The following TAF1B variants were observed in gnomAD, a reference collection of about 807,000 sequenced individuals.
TAF1B encodes TATA-box binding protein associated factor, RNA polymerase I subunit B.
A neutral mutation model predicts 83.9 loss-of-function variants in TAF1B; 61 were observed. That is an observed-to-expected ratio of 0.73 (90% confidence interval 0.59 to 0.90). TAF1B has a LOEUF of 0.90. Ranked by LOEUF, TAF1B falls within the 40% of genes least tolerant of loss-of-function variation. TAF1B has a pLI of 0.00. For missense variants in TAF1B, 625 were observed against 677.0 expected, an observed-to-expected ratio of 0.92 and a Z score of 0.85; for synonymous variants, 221 against 224.6, an observed-to-expected ratio of 0.98 and a Z score of 0.14.
Position 9,933,720 on chromosome 2 carries a change from G to T in TAF1B, c.1566-63G>T. On this transcript the variant is annotated intron_variant, in intron 14 of 14. Transcript: ENST00000263663. Reference sequence around the variant, plus strand: ...AAGTTATTTGGGGGGATGTTCAGGGGTTAGTGTGTGCATTTCTTGGTTACC... The same window carrying T: ...AAGTTATTTGGGGGGATGTTCAGGGTTTAGTGTGTGCATTTCTTGGTTACC... 4.4e-6 allele frequency: 6 copies of T among 1,355,698 alleles called. No individual in the cohort carries two copies. The Admixed American group carries it at 9.4e-5, about 21-fold the overall frequency. 84.0% of individuals were successfully genotyped at this position (1,355,698 alleles called of 1,614,324 possible).
At chr2:9,845,410 G>A in intron 2 of TAF1B, 92 bp downstream of exon 2, 2 of 1,028,316 alleles carry the variant, frequency 1.9e-6, no homozygotes, top group Non-Finnish European at 1.5e-6. Context: ...GAATTGGGTT[G>A]ATTTTTGTCA....
intron 12 of TAF1B, among the ~76,000 whole-genome samples, chr2:9,918,528 G>A (rs1408632299): frequency 6.6e-6 from 1 of 152,212 alleles, no homozygotes. Context: ...TACTGGGACT[G>A]TGTCATCCTG....
At chr2:9,877,211 A>C (rs1664345614) in intron 7 of TAF1B, among the ~76,000 whole-genome samples, 1 of 152,142 alleles carries the variant, frequency 6.6e-6, no homozygotes, top group East Asian at 1.9e-4. Context: ...TCTAGCCCAG[A>C]CTTGTCTACT....
At chr2:9,921,461 C>G (rs986575306) in intron 14 of TAF1B, among the ~76,000 whole-genome samples, 1 of 152,146 alleles carries the variant, frequency 6.6e-6, no homozygotes, top group Non-Finnish European at 1.5e-5. Context: ...CTCCCCAGAG[C>G]ACATTCGTTT....
chr2:9,875,790 T>G, intron 6 of TAF1B, 75 bp from the exon 7 acceptor site: 1 of 1,453,280 alleles, frequency 6.9e-7, no homozygotes, highest in Non-Finnish European at 9.3e-7. Flanking sequence ...AATGCCTGTT[T>G]AGATTTTTTG....
At position 9,910,869 on chromosome 2, in the gene TAF1B, G is replaced by A. The variant is rs750046960; in HGVS notation, c.1089G>A (p.Val363=). The change falls in exon 10 of 15, where the codon GTG becomes GTA. Residue 363 remains valine, a synonymous_variant. Coordinates refer to ENST00000263663, the MANE Select transcript of TAF1B (RefSeq NM_005680.3). ...ATGTACAAGCTGTAGCTATCATTGT[G>A]GTGGTATTGAAACTGCTCTTTCTAT... ...KYDVQAVAII[V]VVLKLLFLLD... The A allele has an allele frequency of 8.1e-6, 13 of 1,612,646 alleles. No homozygotes were observed. Among genetic ancestry groups the A allele is most frequent in the African/African-American group, 4.0e-5 (3 of 74,916 alleles).
At chr2:9,847,408 G>A (rs1663240329) in intron 2 of TAF1B, among the ~76,000 whole-genome samples, 2 of 152,202 alleles carry the variant, frequency 1.3e-5, no homozygotes, top group African/African-American at 2.4e-5. Context: ...GGGCTCCCTG[G>A]AGCTGAGCAG....
chr2:9,924,661 C>T (rs1665981876), intron 14 of TAF1B, among the ~76,000 whole-genome samples: 1 of 152,084 alleles, frequency 6.6e-6, no homozygotes, highest in African/African-American at 2.4e-5. Flanking sequence ...TAAAATATGC[C>T]GAATATGCTC....
At chr2:9,862,473 G>T (rs981996417) in intron 5 of TAF1B, among the ~76,000 whole-genome samples, 1 of 152,208 alleles carries the variant, frequency 6.6e-6, no homozygotes, top group Non-Finnish European at 1.5e-5. Flanking sequence ...TCTTATTGGT[G>T]TACCTGAAAG....
intron 5 of TAF1B, among the ~76,000 whole-genome samples, chr2:9,862,692 G>T (rs1163320111): frequency 6.6e-6 from 1 of 152,208 alleles, no homozygotes; most frequent in East Asian, 1.9e-4. Flanking sequence ...GGCAGCCAGA[G>T]AGAAAGGTCG....
chr2:9,887,912 G>A (rs926759035), intron 8 of TAF1B, among the ~76,000 whole-genome samples: 1 of 151,842 alleles, frequency 6.6e-6, no homozygotes, highest in East Asian at 1.9e-4. Flanking sequence ...GAGTACAGTG[G>A]CATGATCGTA....
At chr2:9,872,643 A>G (rs1259350084) in intron 6 of TAF1B, among the ~76,000 whole-genome samples, 2 of 152,142 alleles carry the variant, frequency 1.3e-5, no homozygotes, top group East Asian at 1.9e-4. Flanking sequence ...AATTCTCTTT[A>G]TAATTGTTGT....
chr2:9,862,201 A>C (rs906745887), intron 5 of TAF1B, among the ~76,000 whole-genome samples: 1 of 152,208 alleles, frequency 6.6e-6, no homozygotes, highest in Admixed American at 6.5e-5. Flanking sequence ...CTTGAAAAAA[A>C]AATTAGACAA....
intron 8 of TAF1B, among the ~76,000 whole-genome samples, chr2:9,896,269 G>A (rs1424759700): frequency 6.6e-6 from 1 of 152,048 alleles, no homozygotes; most frequent in African/African-American, 2.4e-5. Flanking sequence ...TCAGATGACT[G>A]TTGATTTAAT....
intron 5 of TAF1B, among the ~76,000 whole-genome samples, chr2:9,860,675 A>G (rs1001940098): frequency 2.3e-4 from 35 of 152,358 alleles, no homozygotes; most frequent in African/African-American, 7.7e-4. Flanking sequence ...GTAAGAGGAC[A>G]GCTGAGAGAA....
intron 14 of TAF1B, among the ~76,000 whole-genome samples, chr2:9,922,969 G>A (rs959816515): frequency 5.9e-5 from 9 of 152,164 alleles, no homozygotes; most frequent in Non-Finnish European, 1.3e-4. Context: ...CCTGGTCTGG[G>A]CTTGGTGGCT....
chr2:9,922,420 C>T (rs1411970019), intron 14 of TAF1B, among the ~76,000 whole-genome samples: 1 of 152,138 alleles, frequency 6.6e-6, no homozygotes. Context: ...GGCCTTTGTA[C>T]CTGCTCTGCC....
Position 9,860,358 on chromosome 2 carries a change from G to T in TAF1B, c.399+5937G>T, listed in dbSNP as rs538477580. The stretch of plus-strand genomic sequence containing the variant: ...ATATTATAATCATGAAATCTAACAT[G>T]CTATTGTTTGTAACATACGCCATTA... On this transcript the variant is annotated intron_variant, in intron 5 of 14. Coordinates refer to ENST00000263663, the MANE Select transcript of TAF1B (RefSeq NM_005680.3). 3.3e-5 allele frequency among the ~76,000 whole-genome samples: 5 copies of T among 152,330 alleles called. No homozygotes were observed. The East Asian group carries it at 9.6e-4, about 29-fold the overall frequency.
At chr2:9,845,189 G>T (rs1406737482) in intron 1 of TAF1B, 31 bp from the exon 2 acceptor site, 3 of 1,567,574 alleles carry the variant, frequency 1.9e-6, no homozygotes, top group Non-Finnish European at 2.6e-6. Flanking sequence ...TGGCTTGATG[G>T]GAACACCTTT....
Sources: allele counts gnomAD v4.1 joint callset (sites outside exome capture counted in the v4.1 genomes callset), GRCh38; gene constraint gnomAD v4.1.1; transcripts MANE v1.5; gene names NCBI Gene and HGNC (gene_info 2026-07-23, HGNC 2026-07-21).